Variants in GARNL3 observed in about 807,000 individuals in gnomAD.
GARNL3 encodes the protein GTPase activating Rap/RanGAP domain like 3.
Under a neutral mutation model 125.0 loss-of-function variants are expected in GARNL3, and 63 were observed. The observed-to-expected ratio is 0.50, with a 90% CI of 0.41 to 0.62. The LOEUF is 0.62. Ranked by LOEUF, GARNL3 falls within the 20% of genes least tolerant of loss-of-function variation. The pLI is 0.00. For synonymous variants in GARNL3, 439 were observed against 457.5 expected, an observed-to-expected ratio of 0.96 and a Z score of 0.52; for missense variants, 994 against 1,244.0, an observed-to-expected ratio of 0.80 and a Z score of 3.02.
At position 127,344,226 on chromosome 9, in the gene GARNL3, C is replaced by G. The variant is rs1444029913; in HGVS notation, c.1252-9C>G. 11 of 1,581,060 alleles carry G rather than the reference C, an allele frequency of 7.0e-6. No homozygotes were observed. Among genetic ancestry groups the G allele is most frequent in the Non-Finnish European group, 9.5e-6 (11 of 1,161,022 alleles). On this transcript the variant is annotated splice_polypyrimidine_tract_variant and intron_variant, in intron 14 of 27. Transcript: ENST00000373387. ...TTTGTGGAATTCATAACTTGTTTTT[C>G]TTTTTTAGAACATGCTTAATAGACG...
chr9:127,284,615 A>G (rs1341001241), intron 1 of GARNL3, among the ~76,000 whole-genome samples: 2 of 151,982 alleles, frequency 1.3e-5, no homozygotes, highest in Non-Finnish European at 2.9e-5. Context: ...TTGATAATAA[A>G]AGCATTGAAA....
intron 14 of GARNL3, among the ~76,000 whole-genome samples, chr9:127,342,926 T>C (rs1216382544): frequency 7.1e-6 from 1 of 141,834 alleles, no homozygotes; most frequent in Admixed American, 7.4e-5. Context: ...AGACAGAGCT[T>C]CTCTCTTGTT....
At chr9:127,359,134 C>A (rs1045113312) in intron 21 of GARNL3, among the ~76,000 whole-genome samples, 2 of 151,524 alleles carry the variant, frequency 1.3e-5, no homozygotes, top group Non-Finnish European at 2.9e-5. Context: ...CATCCCTGGA[C>A]CAGCATGTCT....
At chr9:127,348,893 C>T (rs757747792) in intron 16 of GARNL3, 31 bp from the exon 17 acceptor site, 2 of 1,487,774 alleles carry the variant, frequency 1.3e-6, no homozygotes, top group South Asian at 2.3e-5. Flanking sequence ...TTCTGGTGCA[C>T]TTATCTTCCG....
At chr9:127,268,847 A>AT (rs2063757654) in intron 1 of GARNL3, among the ~76,000 whole-genome samples, 1 of 151,914 alleles carries the variant, frequency 6.6e-6, no homozygotes, top group South Asian at 2.1e-4. Flanking sequence ...ATCATACAAT[A>AT]TTTGTCCTTT....
At position 127,339,715 on chromosome 9, in the gene GARNL3, G is replaced by C. The variant is rs1829759294; in HGVS notation, c.1099G>C (p.Asp367His). The C allele has an allele frequency of 1.2e-6, 2 of 1,613,558 alleles. No homozygotes were observed. The highest frequency in any genetic ancestry group is 1.7e-5 in the Admixed American group (1 of 60,004). Residue 367 changes from aspartate (D) to histidine (H), a missense_variant, in exon 13 of 28, where the codon GAC becomes CAC. Physicochemically the swap from Asp to His is moderately conservative, Grantham distance 81 (BLOSUM62 -1). Coordinates refer to ENST00000373387, the MANE Select transcript of GARNL3 (RefSeq NM_032293.5). ...PPLPTPPVFT[D>H]HQEFRDFLLV... ...CTTGCCAACTCCACCAGTGTTTACA[G>C]ACCACCAGGAATTCAGGGACTTTTT...
chr9:127,339,525 C>G (rs541293032), intron 12 of GARNL3, 120 bp from the exon 13 acceptor site: 15 of 709,044 alleles, frequency 2.1e-5, no homozygotes, highest in African/African-American at 2.1e-4. Flanking sequence ...TTACCTCTCC[C>G]TGGGTCCCAC....
At chr9:127,337,979 G>C in intron 11 of GARNL3, 137 bp from the exon 12 acceptor site, 1 of 709,322 alleles carries the variant, frequency 1.4e-6, no homozygotes, top group African/African-American at 1.8e-5. Flanking sequence ...TATGGGTTCT[G>C]TCCCAACCTA....
chr9:127,337,403 G>A (rs1829614512), intron 11 of GARNL3, among the ~76,000 whole-genome samples: 1 of 152,168 alleles, frequency 6.6e-6, no homozygotes, highest in African/African-American at 2.4e-5. Flanking sequence ...CTGAAAAGGG[G>A]CAAGCAGATC....
At chr9:127,251,006 T>G (rs1368755102) in intron 2 of GARNL3, among the ~76,000 whole-genome samples, 1 of 152,162 alleles carries the variant, frequency 6.6e-6, no homozygotes, top group Non-Finnish European at 1.5e-5. Context: ...AGTTTTCGGG[T>G]CTTTCAACTT....
chr9:127,285,678 T>A (rs886781636), intron 1 of GARNL3, among the ~76,000 whole-genome samples: 1 of 152,170 alleles, frequency 6.6e-6, no homozygotes, highest in Admixed American at 6.5e-5. Flanking sequence ...TATAGTGATA[T>A]GTTGTTACTC....
chr9:127,388,760 C>A, intron 25 of GARNL3, 144 bp from the exon 26 acceptor site: 1 of 631,180 alleles, frequency 1.6e-6, no homozygotes, highest in East Asian at 2.7e-5. Flanking sequence ...GTGCTCCTGG[C>A]CAGCCCTCCC....
upstream of GARNL3, among the ~76,000 whole-genome samples, chr9:127,259,047 G>A (rs2063540783): frequency 6.6e-6 from 1 of 152,194 alleles, no homozygotes; most frequent in African/African-American, 2.4e-5. Context: ...TGGCCTTGTG[G>A]GGTCTGTTGT....
At chr9:127,374,233 G>A (rs10987626) in intron 22 of GARNL3, among the ~76,000 whole-genome samples, 42,799 of 152,034 alleles carry the variant, frequency 0.28, 7,079 homozygotes, top group Middle Eastern at 0.45. Context: ...CCCAGGAGGC[G>A]GAGGCTGCAG....
chr9:127,387,376 C>CT, intron 25 of GARNL3, 45 bp downstream of exon 25: 1 of 1,517,254 alleles, frequency 6.6e-7, no homozygotes, highest in South Asian at 1.2e-5. Context: ...GTAATTCACT[C>CT]TAATTTCTCT....
rs2063220136 is a variant in GARNL3, at chr9:127,242,383, G to C, written c.-28-696G>C. Among the ~76,000 whole-genome samples, 1 of 152,188 alleles carries C rather than the reference G, an allele frequency of 6.6e-6. No individual in the cohort carries two copies. Among genetic ancestry groups the C allele is most frequent in the African/African-American group, 2.4e-5 (1 of 41,442 alleles). On this transcript the variant is annotated intron_variant, in intron 1 of 10. Coordinates refer to the GARNL3 transcript ENST00000439286. The surrounding 1 kb of genome is among the most constrained non-coding windows in gnomAD (Gnocchi z 4.6). ...TTGGCTCAGAAAATAATTCCAGTCA[G>C]AAGGAGTGTGATGCCTGCATTTCCT... is the stretch of plus-strand genomic sequence containing the variant.
intron 4 of GARNL3, among the ~76,000 whole-genome samples, chr9:127,317,535 G>T (rs528399500): frequency 6.6e-6 from 1 of 152,022 alleles, no homozygotes; most frequent in East Asian, 1.9e-4. Flanking sequence ...GACCAGCCTG[G>T]CCAACATGGC....
intron 6 of GARNL3, among the ~76,000 whole-genome samples, chr9:127,324,839 T>A (rs752818279): frequency 4.6e-5 from 7 of 152,180 alleles, no homozygotes; most frequent in Non-Finnish European, 1.0e-4. Flanking sequence ...GGTTTGCTGC[T>A]CCATGCTGCT....
rs1252479729 is a variant in GARNL3, at chr9:127,385,037, C to T, written c.2280C>T (p.Phe760=). The change falls in exon 24 of 28, where the codon TTC becomes TTT. Residue 760 remains phenylalanine (F), a synonymous_variant. Coordinates refer to ENST00000373387, the MANE Select transcript of GARNL3 (RefSeq NM_032293.5). This position sits in a 1 kb window ranked among gnomAD's most constrained non-coding sequence, Gnocchi z 4.1. ...CCCGTTCCCTTGCAGTCTGTGCTTT[C>T]CCGTATCTCCTGGCCTTCACCACCG... ...NQAPYAIVCA[F]PYLLAFTTDS... is the part of the protein sequence containing the mutation. 4.4e-6 allele frequency: 7 copies of T among 1,608,004 alleles called. No homozygotes were observed. The highest frequency in any genetic ancestry group is 1.1e-5 in the South Asian group (1 of 90,148).
Sources: gnomAD v4.1 joint callset for allele counts (sites outside exome capture counted in the v4.1 genomes callset) on GRCh38, gnomAD v4.1.1 for gene constraint, Gnocchi (gnomAD v3.1) non-coding constraint, MANE v1.5 for transcripts, NCBI Gene and HGNC (gene_info 2026-07-23, HGNC 2026-07-21) for gene names.